TRPM1: variants seen among roughly 807,000 people sequenced by gnomAD.
The protein encoded by TRPM1 is TRPM1-203 APA Isoform, Intron 10.
TRPM1 carries 113 observed loss-of-function variants against 149.4 expected under a neutral mutation model. The observed-to-expected ratio is 0.76, with a 90% CI of 0.65 to 0.88. The LOEUF (loss-of-function observed/expected upper bound fraction) is 0.88. TRPM1 is among the 40% of genes least tolerant of loss of function. TRPM1 has a pLI of 0.00. For synonymous variants in TRPM1, 741 were observed against 759.5 expected (o/e 0.98, Z 0.40); for missense variants, 1,976 against 2,038.7 (o/e 0.97, Z 0.59).
intron 1 of TRPM1, among the ~76,000 whole-genome samples, chr15:31,130,613 T>C (rs976582500): frequency 6.6e-6 from 1 of 152,152 alleles, no homozygotes; most frequent in Non-Finnish European, 1.5e-5. Context: ...TTGTAAAACC[T>C]AAGATGAGTG....
At chr15:31,069,854 A>T in intron 4 of TRPM1, 177 bp downstream of exon 4, 1 of 1,566,034 alleles carries the variant, frequency 6.4e-7, no homozygotes, top group East Asian at 2.2e-5. Flanking sequence ...TCCAGTTTCC[A>T]AGCCTCATGG....
At chr15:31,009,755 T>C (rs577316027) in intron 27 of TRPM1, among the ~76,000 whole-genome samples, 32 of 152,330 alleles carry the variant, frequency 2.1e-4, no homozygotes, top group Non-Finnish European at 3.8e-4. Context: ...TTGTTCAAAT[T>C]GAGTAATTTT....
At chr15:31,038,200 C>G in intron 18 of TRPM1, 34 bp from the exon 19 acceptor site, 1 of 1,611,920 alleles carries the variant, frequency 6.2e-7, no homozygotes, top group African/African-American at 1.3e-5. Flanking sequence ...TAAGCTGTGG[C>G]AATTCTAGAA....
intron 21 of TRPM1, among the ~76,000 whole-genome samples, chr15:31,034,806 A>G (rs1245156551): frequency 6.6e-6 from 1 of 152,244 alleles, no homozygotes; most frequent in African/African-American, 2.4e-5. Context: ...TAATTGGTTT[A>G]TCTCAGGTCG....
At position 31,061,442 on chromosome 15, in the gene TRPM1, C is replaced by G. The variant is rs1457662998; in HGVS notation, c.1162G>C (p.Gly388Arg). The G allele has an allele frequency of 6.2e-7, 1 of 1,614,092 alleles. No individual in the cohort carries two copies. Among genetic ancestry groups the G allele is most frequent in the Admixed American group, 1.7e-5 (1 of 60,028 alleles). ...EMAILTALLK[G>R]TNVSAPDQLS... ...GAGTCACCATTTCCTGAGAGCTCAC[C>G]TTTCAGCAGGGCAGTTAAAATTGCC... is the stretch of plus-strand genomic sequence containing the variant. The change falls in exon 10 of 28, where the codon GGA (glycine) becomes CGA (arginine). Residue 388 changes from glycine to arginine, a missense_variant and splice_region_variant. Physicochemically the swap from Gly to Arg is moderately radical, Grantham distance 125. Coordinates refer to ENST00000256552, the MANE Select transcript of TRPM1 (RefSeq NM_001252024.2).
At chr15:31,098,854 C>T (rs1239475848) in intron 1 of TRPM1, among the ~76,000 whole-genome samples, 3 of 151,660 alleles carry the variant, frequency 2.0e-5, no homozygotes, top group Admixed American at 1.3e-4. Context: ...ATTGGGGGAG[C>T]GGGAGCCAGA....
upstream of TRPM1, among the ~76,000 whole-genome samples, chr15:31,105,810 G>A (rs2035598804): frequency 6.6e-6 from 1 of 152,116 alleles, no homozygotes; most frequent in Non-Finnish European, 1.5e-5. Context: ...GATACACAGC[G>A]AGTTCGGGGA....
In TRPM1 at chr15:31,047,887, AC is replaced by A. The variant is rs761269787; in HGVS notation, c.1623+1del. ...GTAAGAATTGTAAAACAGTAGACTG[AC>A]CTTTTTCACATCCCTCACCAGCAGA... is the stretch of plus-strand genomic sequence containing the variant. On this transcript the variant is annotated splice_donor_variant, in intron 14 of 27. Coordinates refer to ENST00000256552, the MANE Select transcript of TRPM1 (RefSeq NM_001252024.2). LOFTEE classifies it high-confidence loss of function. 7 of 1,612,002 alleles carry A rather than the reference AC, an allele frequency of 4.3e-6. No individual in the cohort carries two copies. The African/African-American group carries it at 8.0e-5, about 18-fold the overall frequency.
chr15:31,160,186 GTC>G (rs2036427189), intron 1 of TRPM1, among the ~76,000 whole-genome samples: 2 of 152,154 alleles, frequency 1.3e-5, no homozygotes, highest in South Asian at 4.1e-4. Context: ...GGCCTGCCCA[GTC>G]TCCTTGGGCT....
intron 27 of TRPM1, among the ~76,000 whole-genome samples, chr15:31,025,576 G>C (rs2032696270): frequency 6.6e-6 from 1 of 152,198 alleles, no homozygotes; most frequent in South Asian, 2.1e-4. Context: ...GAAGGTGTCT[G>C]AAAGACACAC....
chr15:31,074,426 A>G (rs2034640547), intron 3 of TRPM1, among the ~76,000 whole-genome samples: 1 of 152,036 alleles, frequency 6.6e-6, no homozygotes, highest in Non-Finnish European at 1.5e-5. Flanking sequence ...GTTTTGGCAG[A>G]TTGTATATTT....
At chr15:31,043,997 C>G (rs746034207) in intron 16 of TRPM1, among the ~76,000 whole-genome samples, 1 of 151,966 alleles carries the variant, frequency 6.6e-6, no homozygotes, top group Non-Finnish European at 1.5e-5. Context: ...AAGTAACACA[C>G]CTTACTTAGC....
At chr15:31,110,425 A>G (rs901301081) in intron 1 of TRPM1, among the ~76,000 whole-genome samples, 1 of 152,158 alleles carries the variant, frequency 6.6e-6, no homozygotes, top group Non-Finnish European at 1.5e-5. Flanking sequence ...CCATTTCTCC[A>G]CTGACTGACG....
chr15:31,062,718 G>T lies in TRPM1; in HGVS notation c.966-16C>A. The stretch of plus-strand genomic sequence containing the variant: ...ATTTATTATTCTGTTCAAAGAAAAT[G>T]CAAGAGAACAAAACAAGGCAAGTTA... On this transcript the variant is annotated splice_polypyrimidine_tract_variant and intron_variant, in intron 8 of 27. Transcript: ENST00000256552. 1 of 1,613,296 alleles carries T rather than the reference G, an allele frequency of 6.2e-7. No homozygotes were observed. The highest frequency in any genetic ancestry group is 8.5e-7 in the Non-Finnish European group (1 of 1,179,854).
In TRPM1 at chr15:31,158,290, T is replaced by C. The variant is rs531896676; in HGVS notation, c.54+2616A>G. On this transcript the variant is annotated intron_variant, in intron 1 of 26. Coordinates refer to the TRPM1 transcript ENST00000542188. Reference sequence around the variant, plus strand: ...GTGCTTGGATCTCGTGCAAGAAAGATTTCAGGGTGAGTCCACAGTGCAAAG... The same window carrying C: ...GTGCTTGGATCTCGTGCAAGAAAGACTTCAGGGTGAGTCCACAGTGCAAAG... Among the ~76,000 whole-genome samples, 3 of 151,898 alleles carry C rather than the reference T, an allele frequency of 2.0e-5. No homozygotes were observed. In the East Asian group the frequency reaches 5.8e-4, roughly 29 times the overall value.
intron 1 of TRPM1, among the ~76,000 whole-genome samples, chr15:31,091,778 C>T (rs1336999806): frequency 6.6e-6 from 1 of 152,150 alleles, no homozygotes. Context: ...TATAGATGAA[C>T]GTTCCCACAC....
Position 31,062,838 on chromosome 15 carries a change from A to G in TRPM1, c.966-136T>C, listed in dbSNP as rs1006638980. ...GACACAGGAGACAAAAAGTAACCAT[A>G]GTCAAACATCGTATTCTCACTTGTC... On this transcript the variant is annotated intron_variant, in intron 8 of 27. Coordinates refer to ENST00000256552, the MANE Select transcript of TRPM1 (RefSeq NM_001252024.2). 4.6e-6 allele frequency: 5 copies of G among 1,091,908 alleles called. No individual in the cohort carries two copies. The African/African-American group carries it at 4.7e-5, about 10-fold the overall frequency. 67.6% of individuals were successfully genotyped at this position (1,091,908 alleles called of 1,614,324 possible).
intron 1 of TRPM1, among the ~76,000 whole-genome samples, chr15:31,115,589 A>G (rs1028064682): frequency 1.3e-5 from 2 of 152,174 alleles, no homozygotes; most frequent in Admixed American, 6.5e-5. Flanking sequence ...GAGATGGCCA[A>G]TCTTAGGGTA....
intron 1 of TRPM1, among the ~76,000 whole-genome samples, chr15:31,124,472 G>A (rs2035919072): frequency 6.6e-6 from 1 of 150,760 alleles, no homozygotes; most frequent in African/African-American, 2.4e-5. Flanking sequence ...TGGCTGACAT[G>A]GTGAAATCTT....
Sources: gnomAD v4.1 joint callset for allele counts (sites outside exome capture counted in the v4.1 genomes callset) on GRCh38, gnomAD v4.1.1 for gene constraint, MANE v1.5 for transcripts, NCBI Gene and HGNC (gene_info 2026-07-23, HGNC 2026-07-21) for gene names.